Variants in PDE4D observed in about 807,000 individuals in gnomAD.
PDE4D encodes 3',5'-cyclic-AMP phosphodiesterase 4D.
Under a neutral mutation model 87.4 loss-of-function variants are expected in PDE4D, and 24 were observed. That is an observed-to-expected ratio of 0.27 (90% CI 0.20 to 0.39). PDE4D has a LOEUF of 0.39. PDE4D is among the 10% of genes least tolerant of loss of function. PDE4D has a pLI of 1.00. For synonymous variants in PDE4D, 384 were observed against 383.2 expected (o/e 1.00, Z -0.02); for missense variants, 714 against 1,041.0 (o/e 0.69, Z 4.32).
intron 1 of PDE4D, among the ~76,000 whole-genome samples, chr5:59,761,171 TA>T (rs1458514579): frequency 1.3e-5 from 2 of 152,120 alleles, no homozygotes; most frequent in Non-Finnish European, 2.9e-5. Flanking sequence ...AAGGTACAGT[TA>T]AAAATACAGT....
chr5:59,182,032 C>G lies in PDE4D; in HGVS notation c.759-1388G>C, dbSNP rs1372690052. 3.3e-5 allele frequency among the ~76,000 whole-genome samples: 5 copies of G among 151,960 alleles called. No homozygotes were observed. The East Asian group carries it at 9.6e-4, about 29-fold the overall frequency. On this transcript the variant is annotated intron_variant, in intron 4 of 14. Transcript: ENST00000340635. ...CAGCCTCTGGCTCCCTTTCATTGCT[C>G]CTAAGGTTATTGGTATCGATTTGGG...
intron 1 of PDE4D, among the ~76,000 whole-genome samples, chr5:59,257,062 A>G (rs1368097260): frequency 6.6e-6 from 1 of 152,074 alleles, no homozygotes; most frequent in Non-Finnish European, 1.5e-5. Flanking sequence ...TCTTTAATAA[A>G]TGTTATGATG....
intron 1 of PDE4D, among the ~76,000 whole-genome samples, chr5:59,495,376 A>G (rs1806988404): frequency 6.6e-6 from 1 of 152,114 alleles, no homozygotes; most frequent in Non-Finnish European, 1.5e-5. Context: ...CCCTGTTTCT[A>G]AGTTTCTTAG....
At chr5:59,468,803 T>A (rs1801972664) in intron 1 of PDE4D, among the ~76,000 whole-genome samples, 1 of 152,226 alleles carries the variant, frequency 6.6e-6, no homozygotes, top group African/African-American at 2.4e-5. Context: ...CAGAAGACTT[T>A]AATCATAGGC....
intron 1 of PDE4D, among the ~76,000 whole-genome samples, chr5:59,806,235 C>A (rs1412667584): frequency 6.6e-6 from 1 of 152,166 alleles, no homozygotes; most frequent in Non-Finnish European, 1.5e-5. Context: ...TTTACTGGGG[C>A]CTGAGGACCT....
At chr5:60,281,143 A>G (rs1751856429) in intron 1 of PDE4D, among the ~76,000 whole-genome samples, 1 of 152,150 alleles carries the variant, frequency 6.6e-6, no homozygotes, top group Non-Finnish European at 1.5e-5. Flanking sequence ...TTTCAGTAGC[A>G]GACTTCGCTG....
intron 1 of PDE4D, among the ~76,000 whole-genome samples, chr5:59,353,782 C>T (rs1780911431): frequency 6.6e-6 from 1 of 151,922 alleles, no homozygotes; most frequent in Non-Finnish European, 1.5e-5. Flanking sequence ...CTTCTTTCTG[C>T]CTCAATCAAA....
chr5:60,350,925 G>A (rs1759130389), intron 1 of PDE4D, among the ~76,000 whole-genome samples: 2 of 152,052 alleles, frequency 1.3e-5, no homozygotes, highest in South Asian at 2.1e-4. Context: ...CTGAGAACAT[G>A]AGCCAAGGTT....
intron 1 of PDE4D, among the ~76,000 whole-genome samples, chr5:60,298,036 G>T (rs1753565031): frequency 1.3e-5 from 2 of 152,014 alleles, no homozygotes; most frequent in South Asian, 4.1e-4. Context: ...TGTACTTTCA[G>T]ATAATCCCTC....
chr5:59,552,448 C>T (rs896154760), intron 1 of PDE4D, among the ~76,000 whole-genome samples: 4 of 151,380 alleles, frequency 2.6e-5, no homozygotes, highest in Non-Finnish European at 2.9e-5. Flanking sequence ...TGTACTAGAA[C>T]AATAACTTGA....
chr5:60,521,490 G>T (rs1197248942), intron 1 of PDE4D: 1 of 152,050 alleles, frequency 6.6e-6, no homozygotes, highest in Non-Finnish European at 1.5e-5. Context: ...AGATCTAAAG[G>T]CAGAACACTA....
At chr5:59,787,112 C>T (rs908821088) in intron 1 of PDE4D, among the ~76,000 whole-genome samples, 7 of 152,184 alleles carry the variant, frequency 4.6e-5, no homozygotes, top group East Asian at 1.9e-4. Flanking sequence ...TTTCCCATAA[C>T]GTTATAACAA....
At chr5:59,716,181 A>G (rs1313860160) in intron 1 of PDE4D, among the ~76,000 whole-genome samples, 1 of 152,204 alleles carries the variant, frequency 6.6e-6, no homozygotes, top group African/African-American at 2.4e-5. Flanking sequence ...AACTCTGCAC[A>G]TTATGTAACC....
At chr5:60,506,743 T>C (rs925207304) in intron 1 of PDE4D, among the ~76,000 whole-genome samples, 1 of 152,092 alleles carries the variant, frequency 6.6e-6, no homozygotes, top group African/African-American at 2.4e-5. Flanking sequence ...ATAACTGAGA[T>C]TGCATTTTAA....
chr5:60,109,789 C>G (rs985547047), intron 2 of PDE4D, among the ~76,000 whole-genome samples: 4 of 151,298 alleles, frequency 2.6e-5, no homozygotes, highest in Admixed American at 6.6e-5. Context: ...CATATTCTCA[C>G]TCATAGGTGG....
chr5:60,209,187 C>CTTTTTTTTTTTT (rs58524375), intron 1 of PDE4D, among the ~76,000 whole-genome samples: 4 of 108,500 alleles, frequency 3.7e-5, no homozygotes, highest in African/African-American at 3.5e-5. Flanking sequence ...TTCTTTTTTT[C>CTTTTTTTTTTTT]TTTTTTTTTT....
chr5:59,970,154 A>T (rs1193710579), intron 3 of PDE4D, among the ~76,000 whole-genome samples: 1 of 152,234 alleles, frequency 6.6e-6, no homozygotes, highest in Non-Finnish European at 1.5e-5. Flanking sequence ...TCCAGTATTA[A>T]AAGAGAAGCT....
At chr5:59,476,135 A>G (rs1037623253) in intron 1 of PDE4D, among the ~76,000 whole-genome samples, 5 of 152,028 alleles carry the variant, frequency 3.3e-5, no homozygotes, top group Admixed American at 6.6e-5. Flanking sequence ...TGGCCTTAAA[A>G]TTTAACTGAG....
chr5:59,881,746 T>G (rs989802599), intron 1 of PDE4D, among the ~76,000 whole-genome samples: 1 of 152,186 alleles, frequency 6.6e-6, no homozygotes, highest in African/African-American at 2.4e-5. Context: ...GAGTTTATAG[T>G]TTGGTGAAAG....
Sources: allele counts gnomAD v4.1 joint callset (sites outside exome capture counted in the v4.1 genomes callset), GRCh38; gene constraint gnomAD v4.1.1; transcripts MANE v1.5; gene names NCBI Gene and HGNC (gene_info 2026-07-23, HGNC 2026-07-21).